The following ATG4C variants were observed in gnomAD, a reference collection of about 807,000 sequenced individuals.
ATG4C encodes the protein autophagy related 4C cysteine peptidase.
Under a neutral mutation model 57.6 loss-of-function variants are expected in ATG4C, and 56 were observed. The observed-to-expected ratio is 0.97, with a 90% CI of 0.78 to 1.21. The LOEUF is 1.21. Ranked by LOEUF, ATG4C falls within the 50% of genes most tolerant of loss-of-function variation. ATG4C has a pLI of 0.00. For missense variants in ATG4C, 595 were observed against 529.8 expected (o/e 1.12, Z -1.21); for synonymous variants, 157 against 174.1 (o/e 0.90, Z 0.78).
chr1:62,842,492 G>A (rs11208044), intron 10 of ATG4C, among the ~76,000 whole-genome samples: 4 of 151,514 alleles, frequency 2.6e-5, no homozygotes, highest in Admixed American at 6.6e-5. Context: ...GTAGAGACGG[G>A]GTTTCTCCAT....
intron 1 of ATG4C, among the ~76,000 whole-genome samples, chr1:62,788,267 T>C (rs1664153473): frequency 6.6e-6 from 1 of 152,190 alleles, no homozygotes; most frequent in Non-Finnish European, 1.5e-5. Context: ...TTCTACTTTT[T>C]CCCTTATTTT....
chr1:62,842,869 A>G (rs914050244), intron 10 of ATG4C, among the ~76,000 whole-genome samples: 2 of 152,144 alleles, frequency 1.3e-5, no homozygotes, highest in African/African-American at 4.8e-5. Context: ...AACAAAATAT[A>G]TATTTTTCAT....
chr1:62,863,321 AT>A (rs1382989859), intron 10 of ATG4C, among the ~76,000 whole-genome samples: 2 of 152,012 alleles, frequency 1.3e-5, no homozygotes, highest in Non-Finnish European at 2.9e-5. Flanking sequence ...TATTTAAAAT[AT>A]TTTTTAAAAG....
rs552648753 is a variant in ATG4C at position 62,855,461 on chromosome 1, G to A, written c.1210-8531G>A. 3.3e-5 allele frequency among the ~76,000 whole-genome samples: 5 copies of A among 152,006 alleles called. 1 individual carries two copies. The highest frequency in any genetic ancestry group is 1.2e-4 in the African/African-American group (5 of 41,430). On this transcript the variant is annotated intron_variant, in intron 10 of 10. Coordinates refer to ENST00000317868, the MANE Select transcript of ATG4C (RefSeq NM_032852.4). ...ATTGTTAAACTTATTACCTAGTAGC[G>A]CTGGTGTTTGAGGACAGGAAATCAC... is the stretch of plus-strand genomic sequence containing the variant.
At chr1:62,863,907 C>G in intron 10 of ATG4C, 85 bp from the exon 11 acceptor site, 1 of 961,616 alleles carries the variant, frequency 1.0e-6, no homozygotes, top group Non-Finnish European at 1.5e-6. Context: ...AGGAGAGGTT[C>G]AGGGCTAAAA....
chr1:62,810,312 A>T (rs1665040723), intron 3 of ATG4C, among the ~76,000 whole-genome samples: 1 of 152,256 alleles, frequency 6.6e-6, no homozygotes, highest in African/African-American at 2.4e-5. Flanking sequence ...ACATTAAATA[A>T]TTAGAAAAAT....
chr1:62,862,358 A>C (rs1339923872), intron 10 of ATG4C, among the ~76,000 whole-genome samples: 2 of 152,158 alleles, frequency 1.3e-5, no homozygotes, highest in African/African-American at 4.8e-5. Flanking sequence ...GAAAGGATGA[A>C]GAGATGATAA....
intron 10 of ATG4C, among the ~76,000 whole-genome samples, chr1:62,850,031 G>C (rs1666454631): frequency 6.6e-6 from 1 of 152,076 alleles, no homozygotes; most frequent in South Asian, 2.1e-4. Context: ...TTTAGAGAGA[G>C]ACATGAGATT....
intron 10 of ATG4C, among the ~76,000 whole-genome samples, chr1:62,852,888 G>A (rs1049474894): frequency 2.0e-5 from 3 of 151,574 alleles, no homozygotes; most frequent in African/African-American, 7.3e-5. Flanking sequence ...CACCTTAACT[G>A]TTCTCCAGGC....
intron 10 of ATG4C, among the ~76,000 whole-genome samples, chr1:62,863,460 A>G (rs913617113): frequency 2.0e-5 from 3 of 152,010 alleles, no homozygotes; most frequent in African/African-American, 7.2e-5. Context: ...ACTTGATCTT[A>G]GCCAAAAAGC....
chr1:62,846,810 G>A (rs1271092865), intron 10 of ATG4C, among the ~76,000 whole-genome samples: 1 of 152,146 alleles, frequency 6.6e-6, no homozygotes, highest in Non-Finnish European at 1.5e-5. Context: ...GATCTCTTAT[G>A]TAGTTTCCAA....
chr1:62,802,519 G>A (rs1664715217), intron 1 of ATG4C, among the ~76,000 whole-genome samples: 1 of 150,520 alleles, frequency 6.6e-6, no homozygotes, highest in East Asian at 1.9e-4. Context: ...TTTTGGATAA[G>A]GGATACTCAA....
chr1:62,826,527 C>T (rs539365671), intron 6 of ATG4C, among the ~76,000 whole-genome samples: 99 of 152,236 alleles, frequency 6.5e-4, no homozygotes, highest in African/African-American at 2.2e-3. Context: ...TGAGCTACCA[C>T]GCCCGGCCGA....
chr1:62,834,139 T>G, intron 8 of ATG4C, 23 bp downstream of exon 8: 2 of 1,597,266 alleles, frequency 1.3e-6, no homozygotes, highest in African/African-American at 2.7e-5. Context: ...GTAAAATATA[T>G]TTCTTCATTG....
chr1:62,859,309 AT>A (rs1288908216), intron 10 of ATG4C, among the ~76,000 whole-genome samples: 3 of 152,200 alleles, frequency 2.0e-5, no homozygotes, highest in Non-Finnish European at 4.4e-5. Context: ...CGTCCTAAGC[AT>A]TTCAGGTAAG....
intron 10 of ATG4C, among the ~76,000 whole-genome samples, chr1:62,846,995 G>T (rs972606892): frequency 6.6e-6 from 1 of 152,092 alleles, no homozygotes; most frequent in African/African-American, 2.4e-5. Context: ...TGGCCAACAT[G>T]GTGAAACTCC....
At chr1:62,800,033 T>C (rs777455732) in intron 1 of ATG4C, among the ~76,000 whole-genome samples, 2 of 152,210 alleles carry the variant, frequency 1.3e-5, no homozygotes, top group African/African-American at 2.4e-5. Context: ...ATCTAAGATA[T>C]AGACTTCCCC....
chr1:62,799,688 T>G (rs1474743772), intron 1 of ATG4C, among the ~76,000 whole-genome samples: 1 of 152,184 alleles, frequency 6.6e-6, no homozygotes, highest in Non-Finnish European at 1.5e-5. Flanking sequence ...TGTTTTGATA[T>G]AGACATGAAA....
intron 1 of ATG4C, among the ~76,000 whole-genome samples, chr1:62,785,770 A>G (rs1572082740): frequency 6.6e-6 from 1 of 152,182 alleles, no homozygotes; most frequent in African/African-American, 2.4e-5. Context: ...TACTGGTACA[A>G]TGTTAAATTG....
Sources: allele counts gnomAD v4.1 joint callset (sites outside exome capture counted in the v4.1 genomes callset), GRCh38; gene constraint gnomAD v4.1.1; transcripts MANE v1.5; gene names NCBI Gene and HGNC (gene_info 2026-07-23, HGNC 2026-07-21).